Variants in SYNCRIP observed in about 807,000 individuals in gnomAD.
SYNCRIP encodes heterogeneous nuclear ribonucleoprotein Q.
Under a neutral mutation model 68.9 loss-of-function variants are expected in SYNCRIP, and 9 were observed. That is an observed-to-expected ratio of 0.13 (90% CI 0.08 to 0.23). SYNCRIP has a LOEUF of 0.23. Among genes scored for constraint, SYNCRIP ranks in the 10% least tolerant of loss-of-function variants. The pLI is 1.00. For synonymous variants in SYNCRIP, 258 were observed against 254.0 expected (o/e 1.02, Z -0.15); for missense variants, 414 against 770.6 (o/e 0.54, Z 5.48).
chr6:85,634,768 T>C (rs959375035), intron 6 of SYNCRIP, among the ~76,000 whole-genome samples: 9 of 152,212 alleles, frequency 5.9e-5, no homozygotes, highest in African/African-American at 2.2e-4. Flanking sequence ...AAAAATATTC[T>C]ACTCTTTTAT....
downstream of SYNCRIP, among the ~76,000 whole-genome samples, chr6:85,613,559 C>A (rs565130984): frequency 6.6e-6 from 1 of 152,202 alleles, no homozygotes; most frequent in East Asian, 1.9e-4. Flanking sequence ...ATGGCCAAAA[C>A]AAGACTAAAA....
rs1806537705 is a variant in SYNCRIP at position 85,622,623 on chromosome 6, G to A, written c.867C>T (p.Cys289=). 6.2e-7 allele frequency: 1 copy of A among 1,614,020 alleles called. No individual in the cohort carries two copies. Among genetic ancestry groups the A allele is most frequent in the South Asian group, 1.1e-5 (1 of 91,084 alleles). The part of the protein sequence containing the change: ...PDDKKKNRGF[C]FLEYEDHKTA... ...TTTTGTGATCTTCATATTCAAGAAA[G>A]CAAAAGCCTCTGTTTTTTTTCTTGT... Residue 289 remains cysteine, a synonymous_variant, in exon 8 of 11, where the codon TGC becomes TGT. Coordinates refer to ENST00000369622, the MANE Select transcript of SYNCRIP (RefSeq NM_006372.5).
chr6:85,643,637 C>T (rs1240078629), upstream of SYNCRIP: 3 of 148,334 alleles, frequency 2.0e-5, no homozygotes, highest in Non-Finnish European at 4.5e-5. Flanking sequence ...CGACACCATG[C>T]GCACGCCACC....
chr6:85,641,739 G>A (rs1320439568), intron 1 of SYNCRIP, among the ~76,000 whole-genome samples: 1 of 152,186 alleles, frequency 6.6e-6, no homozygotes, highest in Non-Finnish European at 1.5e-5. Flanking sequence ...GTACGAGCCA[G>A]CGTGCCACAT....
At chr6:85,613,181 GATTTT>G (rs1046242288), downstream of SYNCRIP, among the ~76,000 whole-genome samples, 19 of 149,484 alleles carry the variant, frequency 1.3e-4, no homozygotes, top group African/African-American at 3.9e-4. Flanking sequence ...TTCACAAACT[GATTTT>G]ATTTAAAAAA....
In SYNCRIP at chr6:85,622,031, C is replaced by T. The variant is rs146280677; in HGVS notation, c.1008+451G>A. Among the ~76,000 whole-genome samples the T allele has an allele frequency of 9.4e-4, 140 of 148,984 alleles. 4 individuals carry two copies. The East Asian group carries it at 0.01, about 11-fold the overall frequency. The stretch of plus-strand genomic sequence containing the variant: ...ATTTCCAGTGCGCACTGCCTAGTCC[C>T]GTAGTAAAGAACATTTCTCCCAACT... On this transcript the variant is annotated intron_variant, in intron 8 of 10. Transcript: ENST00000369622.
chr6:85,639,573 G>C (rs993437670), intron 4 of SYNCRIP, among the ~76,000 whole-genome samples: 3 of 152,116 alleles, frequency 2.0e-5, no homozygotes, highest in African/African-American at 7.2e-5. Flanking sequence ...CTTGGCTCAA[G>C]AGCACTGGCA....
At chr6:85,640,627 T>A in intron 2 of SYNCRIP, 63 bp from the exon 3 acceptor site, 1 of 1,028,748 alleles carries the variant, frequency 9.7e-7, no homozygotes, top group South Asian at 1.7e-5. Flanking sequence ...GAGAAGACTA[T>A]GTTGGCAATA....
At chr6:85,624,851 A>C (rs891654192) in intron 6 of SYNCRIP, among the ~76,000 whole-genome samples, 2 of 152,236 alleles carry the variant, frequency 1.3e-5, no homozygotes, top group Non-Finnish European at 2.9e-5. Flanking sequence ...AGAAAAGTGG[A>C]TTATATGGGT....
intron 1 of SYNCRIP, 91 bp from the exon 2 acceptor site, chr6:85,641,542 T>A: frequency 1.5e-6 from 2 of 1,308,614 alleles, no homozygotes. Context: ...CTCTACCATT[T>A]ACTACACCAG....
At chr6:85,626,602 A>T (rs1807061330) in intron 6 of SYNCRIP, among the ~76,000 whole-genome samples, 1 of 152,234 alleles carries the variant, frequency 6.6e-6, no homozygotes, top group Non-Finnish European at 1.5e-5. Flanking sequence ...AGAGGAACCA[A>T]AATCCTTATA....
At chr6:85,627,865 A>G (rs375364469) in intron 6 of SYNCRIP, among the ~76,000 whole-genome samples, 1 of 152,200 alleles carries the variant, frequency 6.6e-6, no homozygotes, top group East Asian at 1.9e-4. Context: ...ACACCAAAAC[A>G]GTAGTACAGT....
intron 3 of SYNCRIP, 44 bp from the exon 4 acceptor site, chr6:85,640,372 G>C: frequency 6.3e-7 from 1 of 1,590,978 alleles, no homozygotes; most frequent in South Asian, 1.1e-5. Context: ...AACCATATCT[G>C]AGTCTAATAA....
At chr6:85,638,723 ATGAG>A (rs2128302827) in intron 4 of SYNCRIP, among the ~76,000 whole-genome samples, 1 of 152,326 alleles carries the variant, frequency 6.6e-6, no homozygotes, top group African/African-American at 2.4e-5. Context: ...CATAAACTAA[ATGAG>A]TAATAGCTCA....
At chr6:85,618,796 T>G in intron 10 of SYNCRIP, 22 bp downstream of exon 10, 1 of 1,556,246 alleles carries the variant, frequency 6.4e-7, no homozygotes, top group Non-Finnish European at 8.7e-7. Context: ...ATACAATTTT[T>G]AAGTATACAA....
At chr6:85,636,234 C>T (rs892912005) in intron 6 of SYNCRIP, among the ~76,000 whole-genome samples, 1 of 152,120 alleles carries the variant, frequency 6.6e-6, no homozygotes, top group African/African-American at 2.4e-5. Context: ...CACCGGAGGT[C>T]AGGAGTTCGA....
In SYNCRIP at chr6:85,623,618, T is replaced by C. The variant is rs1038266952; in HGVS notation, c.802+359A>G. Among the ~76,000 whole-genome samples, 7 of 144,710 alleles carry C rather than the reference T, an allele frequency of 4.8e-5. No homozygotes were observed. The South Asian group carries it at 1.3e-3, about 27-fold the overall frequency. The allele number at this position is 144,710 out of a possible 152,430, so 94.9% of individuals were successfully genotyped here. A position where few individuals can be genotyped will look rare whatever the true frequency, so the allele number is the denominator to read the frequency against. On this transcript the variant is annotated intron_variant, in intron 7 of 10. Transcript: ENST00000369622. Reference sequence around the variant, plus strand: ...ACGGCAATACTTACTACTCCTGTAATTTCAAGAACATCAAATCATTATTCA... The same window carrying C: ...ACGGCAATACTTACTACTCCTGTAACTTCAAGAACATCAAATCATTATTCA...
chr6:85,630,280 G>T (rs1025855736), intron 6 of SYNCRIP, among the ~76,000 whole-genome samples: 1 of 152,152 alleles, frequency 6.6e-6, no homozygotes, highest in African/African-American at 2.4e-5. Context: ...AGAATGGCGT[G>T]AACCCAGGAG....
At chr6:85,638,670 C>T (rs1209412499) in intron 4 of SYNCRIP, among the ~76,000 whole-genome samples, 4 of 152,128 alleles carry the variant, frequency 2.6e-5, no homozygotes, top group Admixed American at 2.6e-4. Context: ...ATGAAAAATA[C>T]TGTAATTAAT....
Sources: allele counts gnomAD v4.1 joint callset (sites outside exome capture counted in the v4.1 genomes callset), GRCh38; gene constraint gnomAD v4.1.1; transcripts MANE v1.5; gene names NCBI Gene and HGNC (gene_info 2026-07-23, HGNC 2026-07-21).